Variants in DACH2 observed in about 807,000 individuals in gnomAD.
DACH2 encodes dachshund family transcription factor 2.
DACH2 carries 17 observed loss-of-function variants against 35.8 expected under a neutral mutation model. The ratio of observed to expected loss-of-function variants is 0.48; its 90% CI spans 0.33 to 0.71. DACH2 has a LOEUF of 0.71. Ranked by LOEUF, DACH2 falls within the 30% of genes least tolerant of loss-of-function variation. DACH2 has a pLI of 0.02. For synonymous variants in DACH2, 195 were observed against 177.3 expected (o/e 1.10, Z -0.79); for missense variants, 469 against 472.7 (o/e 0.99, Z 0.07).
At chrX:86,346,473 G>A (rs1038853160) in intron 1 of DACH2, among the ~76,000 whole-genome samples, 1 of 109,969 alleles carries the variant, frequency 9.1e-6, no homozygotes, top group Non-Finnish European at 1.9e-5. Flanking sequence ...ATTTTCTTCT[G>A]AAGATAAAAT....
chrX:86,478,216 G>A (rs982798294), intron 2 of DACH2, among the ~76,000 whole-genome samples: 1 of 111,527 alleles, frequency 9.0e-6, no homozygotes, highest in African/African-American at 3.3e-5. Context: ...ACCTTCAGAT[G>A]GTTTCTTGTT....
At chrX:86,331,877 G>A (rs899178931) in intron 1 of DACH2, among the ~76,000 whole-genome samples, 1 of 111,064 alleles carries the variant, frequency 9.0e-6, no homozygotes, top group Non-Finnish European at 1.9e-5. Flanking sequence ...TACAGAGTGA[G>A]TATATCAAGA....
rs543787995 is a variant in DACH2 at position 86,196,123 on chromosome X, G to A, written c.488+47015G>A. 6.3e-5 allele frequency among the ~76,000 whole-genome samples: 7 copies of A among 111,269 alleles called. No homozygotes were observed. In the South Asian group the frequency reaches 2.7e-3, roughly 43 times the overall value. On this transcript the variant is annotated intron_variant, in intron 1 of 11. Transcript: ENST00000373125. ...ATGACATAAACAGAATTAAGAATATGGATAGGAATTAAGATCATTGAGATG... is the reference window on the plus strand; with the variant it reads ...ATGACATAAACAGAATTAAGAATATAGATAGGAATTAAGATCATTGAGATG...
chrX:86,510,220 A>G (rs996441114), intron 2 of DACH2, among the ~76,000 whole-genome samples: 3 of 112,271 alleles, frequency 2.7e-5, no homozygotes, highest in Non-Finnish European at 3.8e-5. Context: ...TACTCCTTGA[A>G]TCACAAATGA....
chrX:86,748,624 A>C (rs903868191), intron 7 of DACH2, among the ~76,000 whole-genome samples: 1 of 111,887 alleles, frequency 8.9e-6, no homozygotes, highest in African/African-American at 3.3e-5. Context: ...TCATGGCTCC[A>C]TCATAGAGCA....
intron 2 of DACH2, among the ~76,000 whole-genome samples, chrX:86,443,252 T>C (rs977635218): frequency 2.1e-4 from 24 of 111,792 alleles, no homozygotes; most frequent in African/African-American, 7.8e-4. Flanking sequence ...TATTTTATAG[T>C]TTTCAGTGTA....
At chrX:86,719,291 T>G (rs773344686) in intron 6 of DACH2, among the ~76,000 whole-genome samples, 2 of 112,139 alleles carry the variant, frequency 1.8e-5, no homozygotes, top group African/African-American at 6.5e-5. Context: ...TATGTATAAA[T>G]GCTACCAATT....
chrX:86,654,162 G>A (rs750728262), intron 4 of DACH2, among the ~76,000 whole-genome samples: 2 of 87,571 alleles, frequency 2.3e-5, no homozygotes, highest in East Asian at 7.0e-4. Flanking sequence ...TCATCATCTC[G>A]GCCCTGTCTC....
chrX:86,762,148 AG>A (rs2041889889), intron 7 of DACH2, among the ~76,000 whole-genome samples: 1 of 111,628 alleles, frequency 9.0e-6, no homozygotes, highest in Non-Finnish European at 1.9e-5. Context: ...AGGTCAAAAG[AG>A]ATCAACAAAC....
intron 5 of DACH2, among the ~76,000 whole-genome samples, chrX:86,703,147 A>G (rs1267776845): frequency 9.1e-6 from 1 of 110,208 alleles, no homozygotes; most frequent in African/African-American, 3.3e-5. Context: ...TTCACCACCT[A>G]AACATCATTT....
chrX:86,340,168 T>A (rs2035389085), intron 1 of DACH2, among the ~76,000 whole-genome samples: 1 of 111,834 alleles, frequency 8.9e-6, no homozygotes, highest in African/African-American at 3.2e-5. Context: ...GTGCCTTACT[T>A]TATTGCACTT....
chrX:86,277,463 TA>T (rs1450108297), intron 1 of DACH2, among the ~76,000 whole-genome samples: 10 of 112,464 alleles, frequency 8.9e-5, no homozygotes, highest in Admixed American at 3.8e-4. Context: ...TTTCTTGCTT[TA>T]TTTTTTTTGC....
rs754096384 is a variant in DACH2, at chrX:86,402,653, A to G, written c.527+25791A>G. ...CCATTCCTATCAAGCTACCAACATCATTTTTCACACAATTAGAAAGATTTA... is the reference window on the plus strand; with the variant it reads ...CCATTCCTATCAAGCTACCAACATCGTTTTTCACACAATTAGAAAGATTTA... On this transcript the variant is annotated intron_variant, in intron 2 of 11. Coordinates refer to ENST00000373125, the MANE Select transcript of DACH2 (RefSeq NM_053281.3). 2.5e-3 allele frequency among the ~76,000 whole-genome samples: 278 copies of G among 111,721 alleles called. 2 individuals carry two copies. Among genetic ancestry groups the G allele is most frequent in the Middle Eastern group, 0.014 (3 of 215 alleles).
At chrX:86,270,812 G>A (rs1483923525) in intron 1 of DACH2, among the ~76,000 whole-genome samples, 2 of 112,023 alleles carry the variant, frequency 1.8e-5, no homozygotes, top group Non-Finnish European at 3.8e-5. Flanking sequence ...ATAGTATACA[G>A]ATTGCATCTG....
chrX:86,483,608 GATCCACTT>G (rs2037976421), intron 2 of DACH2, among the ~76,000 whole-genome samples: 1 of 110,739 alleles, frequency 9.0e-6, no homozygotes, highest in Admixed American at 9.6e-5. Context: ...AGGCTCAAGT[GATCCACTT>G]GAGCCCAGGA....
intron 11 of DACH2, among the ~76,000 whole-genome samples, chrX:86,824,972 C>A (rs1472385985): frequency 3.6e-5 from 4 of 111,749 alleles, no homozygotes; most frequent in Admixed American, 2.9e-4. Context: ...TGTTTAAAAT[C>A]GAGTATTATA....
At chrX:86,429,034 G>A (rs537318117) in intron 2 of DACH2, among the ~76,000 whole-genome samples, 3 of 110,115 alleles carry the variant, frequency 2.7e-5, no homozygotes, top group African/African-American at 9.9e-5. Flanking sequence ...ATTAATTCAC[G>A]ACCAGATCTA....
At chrX:86,471,742 G>T (rs2037763943) in intron 2 of DACH2, among the ~76,000 whole-genome samples, 1 of 111,216 alleles carries the variant, frequency 9.0e-6, no homozygotes, top group Non-Finnish European at 1.9e-5. Flanking sequence ...CAACAGTTCC[G>T]ATTTAAGTAA....
chrX:86,168,796 C>A (rs930705634), intron 1 of DACH2, among the ~76,000 whole-genome samples: 2 of 109,634 alleles, frequency 1.8e-5, no homozygotes, highest in Non-Finnish European at 3.8e-5. Flanking sequence ...TATGCCGTAA[C>A]TTTGTCCCCT....
Sources: gnomAD v4.1 joint callset for allele counts (sites outside exome capture counted in the v4.1 genomes callset) on GRCh38, gnomAD v4.1.1 for gene constraint, MANE v1.5 for transcripts, NCBI Gene and HGNC (gene_info 2026-07-23, HGNC 2026-07-21) for gene names.